The following BBS7 variants were observed in gnomAD, a reference collection of about 807,000 sequenced individuals.
The protein encoded by BBS7 is BBSome complex member BBS7.
A neutral mutation model predicts 90.3 loss-of-function variants in BBS7; 50 were observed. The ratio of observed to expected loss-of-function variants is 0.55; its 90% CI spans 0.44 to 0.70. The LOEUF (loss-of-function observed/expected upper bound fraction) is 0.70, where lower values mean the gene tolerates loss of function less well. Ranked by LOEUF, BBS7 falls within the 30% of genes least tolerant of loss-of-function variation. BBS7 has a pLI of 0.00. For missense variants in BBS7, 729 were observed against 838.9 expected (o/e 0.87, Z 1.62); for synonymous variants, 235 against 287.4 (o/e 0.82, Z 1.85).
At chr4:121,845,177 T>C (rs1482135829) in intron 11 of BBS7, among the ~76,000 whole-genome samples, 2 of 152,040 alleles carry the variant, frequency 1.3e-5, no homozygotes, top group Non-Finnish European at 2.9e-5. Flanking sequence ...AAGACCAGCC[T>C]GGCCAACATG....
chr4:121,826,445 G>T (rs1724911577), intron 18 of BBS7, among the ~76,000 whole-genome samples: 1 of 152,150 alleles, frequency 6.6e-6, no homozygotes, highest in African/African-American at 2.4e-5. Flanking sequence ...AAAGATCTGG[G>T]CAAATCATTT....
chr4:121,870,132 G>C, intron 1 of BBS7, 146 bp downstream of exon 1: 1 of 913,130 alleles, frequency 1.1e-6, no homozygotes, highest in Non-Finnish European at 1.8e-6. Flanking sequence ...GCCCAAAGGC[G>C]GGGTGCTGAG....
At chr4:121,839,552 A>G (rs1199875210) in intron 13 of BBS7, 79 bp downstream of exon 13, 4 of 1,155,216 alleles carry the variant, frequency 3.5e-6, no homozygotes, top group Non-Finnish European at 5.2e-6. Flanking sequence ...CAAACAAATA[A>G]TATCATATGT....
intron 15 of BBS7, among the ~76,000 whole-genome samples, chr4:121,832,350 A>G (rs1725237068): frequency 6.6e-6 from 1 of 152,056 alleles, no homozygotes; most frequent in South Asian, 2.1e-4. Flanking sequence ...AAACAGCAAC[A>G]ACAACAAAAA....
At chr4:121,867,740 T>C (rs902834904) in intron 2 of BBS7, among the ~76,000 whole-genome samples, 1 of 152,160 alleles carries the variant, frequency 6.6e-6, no homozygotes, top group Non-Finnish European at 1.5e-5. Context: ...ACAGAAAAAA[T>C]GGAGTATGGT....
At chr4:121,830,124 C>T (rs1717259333) in intron 15 of BBS7, among the ~76,000 whole-genome samples, 1 of 152,198 alleles carries the variant, frequency 6.6e-6, no homozygotes, top group East Asian at 1.9e-4. Context: ...TGCTTTGGTC[C>T]GTTGTGGTGG....
rs1560636117 is a variant in BBS7 at position 121,825,956 on chromosome 4, A to G, written c.2052T>C (p.Phe684=). Residue 684 remains phenylalanine, a synonymous_variant, in exon 19 of 19, where the codon TTT becomes TTC. Transcript: ENST00000264499. ...CTTTAGTTTTTACATTGGTGCCTTTAAACTTAAATTTATCTATGAAAAGAT... is the reference window on the plus strand; with the variant it reads ...CTTTAGTTTTTACATTGGTGCCTTTGAACTTAAATTTATCTATGAAAAGAT... ...ITDLFIDKFK[F]KGTNVKTKVP... is the part of the protein sequence containing the mutation. 1 of 1,607,864 alleles carries G rather than the reference A, an allele frequency of 6.2e-7. No individual in the cohort carries two copies. The highest frequency in any genetic ancestry group is 1.7e-5 in the Admixed American group (1 of 59,948).
intron 18 of BBS7, 48 bp downstream of exon 18, chr4:121,828,098 G>C (rs148486244): frequency 1.7e-5 from 27 of 1,609,670 alleles, no homozygotes; most frequent in Middle Eastern, 1.7e-4. Context: ...TTGGGAAATA[G>C]CCAGTTGAAA....
chr4:121,848,556 T>C (rs1444047288), intron 9 of BBS7, among the ~76,000 whole-genome samples: 1 of 152,208 alleles, frequency 6.6e-6, no homozygotes, highest in Non-Finnish European at 1.5e-5. Flanking sequence ...AAGCATATTG[T>C]TATAATTGCT....
At chr4:121,826,839 C>G (rs1724935483) in intron 18 of BBS7, among the ~76,000 whole-genome samples, 1 of 152,042 alleles carries the variant, frequency 6.6e-6, no homozygotes, top group African/African-American at 2.4e-5. Context: ...AAAAAATTAG[C>G]TGGGCATGGT....
At position 121,868,561 on chromosome 4, in the gene BBS7, G is replaced by A. The variant is rs1232400086; in HGVS notation, c.37-515C>T. 2.0e-5 allele frequency among the ~76,000 whole-genome samples: 3 copies of A among 151,382 alleles called. No individual in the cohort carries two copies. In the East Asian group the frequency reaches 5.8e-4, roughly 29 times the overall value. On this transcript the variant is annotated intron_variant, in intron 1 of 18. Transcript: ENST00000264499. The stretch of plus-strand genomic sequence containing the variant: ...CTAGGCATGGTGGTGCATGCCTGCA[G>A]GCCCAACTACTTGGAAGGCTGAGGC...
rs1380943478 is a variant in BBS7 at position 121,870,327 on chromosome 4, A to G, written c.-14T>C. 3 of 1,614,088 alleles carry G rather than the reference A, an allele frequency of 1.9e-6. No individual in the cohort carries two copies. Among genetic ancestry groups the G allele is most frequent in the Non-Finnish European group, 2.5e-6 (3 of 1,179,984 alleles). ...AATCAGATCCATGATGACTACGCGG[A>G]GGGGCTAAGCAGCGCCGGACAAGAA... On this transcript the variant is annotated 5_prime_UTR_variant, in exon 1 of 19. Coordinates refer to ENST00000264499, the MANE Select transcript of BBS7 (RefSeq NM_176824.3).
At chr4:121,861,432 T>C (rs1254202845) in intron 4 of BBS7, 72 bp downstream of exon 4, 1 of 1,374,368 alleles carries the variant, frequency 7.3e-7, no homozygotes, top group Middle Eastern at 2.0e-4. Context: ...GATATGATAC[T>C]TAGTTGCCTC....
At chr4:121,855,619 T>G in intron 5 of BBS7, 58 bp from the exon 6 acceptor site, 1 of 1,390,578 alleles carries the variant, frequency 7.2e-7, no homozygotes, top group African/African-American at 1.4e-5. Flanking sequence ...AATAGAGGCA[T>G]TCATGAATAA....
At chr4:121,855,616 G>A (rs1726569260) in intron 5 of BBS7, 55 bp from the exon 6 acceptor site, 3 of 1,423,346 alleles carry the variant, frequency 2.1e-6, no homozygotes, top group African/African-American at 2.8e-5. Context: ...AATAATAGAG[G>A]CATTCATGAA....
At chr4:121,855,908 A>C (rs1024718458) in intron 5 of BBS7, among the ~76,000 whole-genome samples, 1 of 141,314 alleles carries the variant, frequency 7.1e-6, no homozygotes, top group Non-Finnish European at 1.5e-5. Flanking sequence ...ATGTGTATAT[A>C]TGTATATATG....
chr4:121,855,667 G>A (rs1369727816), intron 5 of BBS7, 106 bp from the exon 6 acceptor site: 1 of 1,023,662 alleles, frequency 9.8e-7, no homozygotes, highest in African/African-American at 1.6e-5. Context: ...GTAACACCTA[G>A]AATAAAATTG....
Position 121,824,861 on chromosome 4 carries a change from T to C in BBS7, c.*999A>G, listed in dbSNP as rs1163101405. 6.6e-6 allele frequency: 1 copy of C among 152,170 alleles called. No individual in the cohort carries two copies. Among genetic ancestry groups the C allele is most frequent in the Non-Finnish European group, 1.5e-5 (1 of 68,020 alleles). The allele number at this position is 152,170 out of a possible 1,614,324, so 9.4% of individuals were successfully genotyped here. ...CATATCATTAAGAAGCACTGTTTTCTAAAAAATTCGTGAGTCTGCCCTTCT... is the reference window on the plus strand; with the variant it reads ...CATATCATTAAGAAGCACTGTTTTCCAAAAAATTCGTGAGTCTGCCCTTCT... On this transcript the variant is annotated 3_prime_UTR_variant, in exon 19 of 19. Transcript: ENST00000264499. The surrounding 1 kb of genome is among the most constrained non-coding windows in gnomAD (Gnocchi z 4.1).
At chr4:121,859,871 T>C (rs1283408712) in intron 4 of BBS7, among the ~76,000 whole-genome samples, 1 of 152,148 alleles carries the variant, frequency 6.6e-6, no homozygotes, top group African/African-American at 2.4e-5. Flanking sequence ...ATAACTATAT[T>C]CTAATTCTTA....
Sources: allele counts gnomAD v4.1 joint callset (sites outside exome capture counted in the v4.1 genomes callset), GRCh38; gene constraint gnomAD v4.1.1; non-coding constraint Gnocchi (gnomAD v3.1); transcripts MANE v1.5; gene names NCBI Gene and HGNC (gene_info 2026-07-23, HGNC 2026-07-21).